The following LRCOL1 variants were observed in gnomAD, a reference collection of about 807,000 sequenced individuals.
LRCOL1 encodes the protein leucine rich colipase like 1.
In LRCOL1, 21 loss-of-function variants were observed where a neutral mutation model predicts 21.6. The ratio of observed to expected loss-of-function variants is 0.97; its 90% CI spans 0.69 to 1.40. LRCOL1 has a LOEUF of 1.40. LRCOL1 is among the 40% of genes most tolerant of loss of function. The pLI is 0.00. For missense variants in LRCOL1, 198 were observed against 202.3 expected, an observed-to-expected ratio of 0.98 and a Z score of 0.13; for synonymous variants, 98 against 90.1, an observed-to-expected ratio of 1.09 and a Z score of -0.49.
In LRCOL1 at chr12:132,607,736, CCTCT is replaced by C. The variant is rs575512075; in HGVS notation, c.-13-1476_-13-1473del. ...CTCTGTCTCTGTCTCTCTGTCTCTCCCTCTCTCCGTCTCTGTCTCTCTCTGTCTC... is the reference window on the plus strand; with the variant it reads ...CTCTGTCTCTGTCTCTCTGTCTCTCCCTCCGTCTCTGTCTCTCTCTGTCTC... On this transcript the variant is annotated intron_variant, in intron 1 of 5. Transcript: ENST00000376608. Among the ~76,000 whole-genome samples, 523 of 140,110 alleles carry C rather than the reference CCTCT, an allele frequency of 3.7e-3. 4 individuals are homozygous for C. The highest frequency in any genetic ancestry group is 5.9e-3 in the Non-Finnish European group (370 of 62,862). 91.9% of individuals were successfully genotyped at this position (140,110 alleles called of 152,430 possible). A position where few individuals can be genotyped will look rare whatever the true frequency, so the allele number is the denominator to read the frequency against.
chr12:132,607,689 GCC>G (rs63217660), intron 1 of LRCOL1, among the ~76,000 whole-genome samples: 4 of 92,336 alleles, frequency 4.3e-5, no homozygotes, highest in African/African-American at 2.3e-4. Context: ...GTCTCTCTCT[GCC>G]TCTCTGTCTC....
chr12:132,607,253 G>C (rs1409208660), intron 1 of LRCOL1, among the ~76,000 whole-genome samples: 1 of 152,144 alleles, frequency 6.6e-6, no homozygotes, highest in Non-Finnish European at 1.5e-5. Context: ...TCATTAGGAG[G>C]GTCTCTCTTT....
At chr12:132,607,534 A>AT (rs2041323822) in intron 1 of LRCOL1, among the ~76,000 whole-genome samples, 1 of 152,204 alleles carries the variant, frequency 6.6e-6, no homozygotes, top group Non-Finnish European at 1.5e-5. Context: ...GTGAGACCAC[A>AT]TATCACTCAG....
intron 5 of LRCOL1, chr12:132,603,632 C>T (rs1387131282): frequency 3.6e-6 from 3 of 840,224 alleles, no homozygotes; most frequent in African/African-American, 5.4e-5. Flanking sequence ...TGGTGGTACC[C>T]GAGGGCGCCT....
chr12:132,609,662 A>T (rs1284126332), intron 1 of LRCOL1, among the ~76,000 whole-genome samples: 1 of 152,202 alleles, frequency 6.6e-6, no homozygotes, highest in Non-Finnish European at 1.5e-5. Context: ...ACACCACTAC[A>T]TTCCAGCCTG....
At chr12:132,603,801 A>G in intron 5 of LRCOL1, 9 of 985,306 alleles carry the variant, frequency 9.1e-6, no homozygotes, top group Non-Finnish European at 1.1e-5. Context: ...GGCTCAGCAG[A>G]GCGGGAGCCT....
intron 1 of LRCOL1, among the ~76,000 whole-genome samples, chr12:132,609,856 C>T (rs976378640): frequency 1.3e-4 from 20 of 152,176 alleles, no homozygotes; most frequent in Admixed American, 3.9e-4. Flanking sequence ...GTCTCTATTC[C>T]GGGACATTTG....
Position 132,604,805 on chromosome 12 carries a change from G to T in LRCOL1, c.132C>A (p.His44Gln), listed in dbSNP as rs778417573. Reference sequence around the variant, plus strand: ...TACAGCAGTTGCTCTGGCACTCCTCGTGTCTCCTGCATGGCTCCCCGATGC... The same window carrying T: ...TACAGCAGTTGCTCTGGCACTCCTCTTGTCTCCTGCATGGCTCCCCGATGC... ...HKGIGEPCRR[H>Q]EECQSNCCTI... The change falls in exon 3 of 6, where the codon CAC becomes CAA. Residue 44 changes from histidine (H) to glutamine (Q), a missense_variant. Coordinates refer to ENST00000376608, the MANE Select transcript of LRCOL1 (RefSeq NM_001195520.2). 25 of 1,536,050 alleles carry T rather than the reference G, an allele frequency of 1.6e-5. No individual in the cohort carries two copies. The highest frequency in any genetic ancestry group is 2.7e-5 in the African/African-American group (2 of 73,036).
In LRCOL1 at chr12:132,604,390, C is replaced by A; in HGVS notation, c.355-14G>T. ...GTCGCCGTTGGGCTGGGGAGGCAGC[C>A]AGGCAGCAGTCGTGGAGAGGGGCTG... On this transcript the variant is annotated splice_polypyrimidine_tract_variant and intron_variant, in intron 4 of 5. Coordinates refer to ENST00000376608, the MANE Select transcript of LRCOL1 (RefSeq NM_001195520.2). The A allele has an allele frequency of 6.5e-7, 1 of 1,534,982 alleles. No homozygotes were observed.
At chr12:132,603,547 C>T (rs531633313) in intron 5 of LRCOL1, 143 bp from the exon 6 acceptor site, 35 of 1,492,960 alleles carry the variant, frequency 2.3e-5, no homozygotes, top group Admixed American at 1.3e-4. Context: ...CCGACGCCCA[C>T]GCTCAGCTCG....
chr12:132,603,301 C>A lies in LRCOL1; in HGVS notation c.*101G>T, dbSNP rs1332418246. On this transcript the variant is annotated 3_prime_UTR_variant, in exon 6 of 6. Transcript: ENST00000376608. ...GAGCCCCAGAAACAGCAGCACAAAC[C>A]GTAAGGGAAGCTTCCGCTGGAACCA... is the stretch of plus-strand genomic sequence containing the variant. 2.0e-6 allele frequency: 3 copies of A among 1,500,056 alleles called. No individual in the cohort carries two copies. The highest frequency in any genetic ancestry group is 2.7e-6 in the Non-Finnish European group (3 of 1,115,940). 92.9% of individuals were successfully genotyped at this position (1,500,056 alleles called of 1,614,324 possible). A position where few individuals can be genotyped will look rare whatever the true frequency, so the allele number is the denominator to read the frequency against.
intron 2 of LRCOL1, 86 bp from the exon 3 acceptor site, chr12:132,604,917 G>A: frequency 6.7e-7 from 1 of 1,487,502 alleles, no homozygotes; most frequent in Non-Finnish European, 8.9e-7. Flanking sequence ...CCTCTCCTTG[G>A]CTCCCCTGTG....
chr12:132,603,568 G>A (rs2138297212), intron 5 of LRCOL1, 164 bp from the exon 6 acceptor site: 6 of 985,390 alleles, frequency 6.1e-6, no homozygotes, highest in Non-Finnish European at 7.2e-6. Context: ...CGAGAGGGAC[G>A]CCCACGAGCC....
In LRCOL1 at chr12:132,603,382, C is replaced by G. The variant is rs989954057; in HGVS notation, c.*20G>C. On this transcript the variant is annotated 3_prime_UTR_variant, in exon 6 of 6. Transcript: ENST00000376608. Reference sequence around the variant, plus strand: ...TCCCAGGGCCCAGGCCGGTCCCTCGCGCCCAGGTTCGAGCTCACATCACTG... The same window carrying G: ...TCCCAGGGCCCAGGCCGGTCCCTCGGGCCCAGGTTCGAGCTCACATCACTG... 1.3e-6 allele frequency: 2 copies of G among 1,536,088 alleles called. No individual in the cohort carries two copies. The highest frequency in any genetic ancestry group is 2.7e-5 in the African/African-American group (2 of 73,076).
Position 132,606,221 on chromosome 12 carries a change from G to C in LRCOL1, c.31C>G (p.Leu11Val), listed in dbSNP as rs1428090606. The change falls in exon 2 of 6, where the codon CTG (leucine) becomes GTG (valine). Residue 11 changes from leucine (L) to valine (V), a missense_variant. By Grantham distance (32) the Leu-to-Val change is conservative (BLOSUM62 1). Coordinates refer to ENST00000376608, the MANE Select transcript of LRCOL1 (RefSeq NM_001195520.2). This position sits in a 1 kb window ranked among gnomAD's most constrained non-coding sequence, Gnocchi z 4.6. MAGPGWTLLLLLLLLLLLGSM... is the reference protein window; with the variant it reads MAGPGWTLLLVLLLLLLLGSM... ...CCCAGCAGCAGCAGCAGCAGCAGCA[G>C]TAGCAGCAGCGTCCACCCCGGGCCG... is the stretch of plus-strand genomic sequence containing the variant. 4 of 1,536,640 alleles carry C rather than the reference G, an allele frequency of 2.6e-6. No individual in the cohort carries two copies. The East Asian group carries it at 7.3e-5, about 28-fold the overall frequency.
Position 132,606,275 on chromosome 12 carries a change from C to T in LRCOL1, c.-13-11G>A. 1 of 1,535,564 alleles carries T rather than the reference C, an allele frequency of 6.5e-7. No homozygotes were observed. On this transcript the variant is annotated splice_polypyrimidine_tract_variant and intron_variant, in intron 1 of 5. Coordinates refer to ENST00000376608, the MANE Select transcript of LRCOL1 (RefSeq NM_001195520.2). This position sits in a 1 kb window ranked among gnomAD's most constrained non-coding sequence, Gnocchi z 4.6. ...ATCGGGTGTGTGGACCTGCAGAGAC[C>T]CAGGATTGTGTGGGAGTGTGTCCAC...
At position 132,604,447 on chromosome 12, in the gene LRCOL1, G is replaced by T. The variant is rs2041274155; in HGVS notation, c.354+15C>A. The stretch of plus-strand genomic sequence containing the variant: ...GCTACCCCTGCTCCATCTGCCCCGG[G>T]TGCCCGCAGCTCACCTTGCGCCAGG... On this transcript the variant is annotated intron_variant, in intron 4 of 5. Coordinates refer to ENST00000376608, the MANE Select transcript of LRCOL1 (RefSeq NM_001195520.2). The T allele has an allele frequency of 6.5e-7, 1 of 1,528,752 alleles. No individual in the cohort carries two copies. The highest frequency in any genetic ancestry group is 8.7e-7 in the Non-Finnish European group (1 of 1,145,044). 94.7% of individuals were successfully genotyped at this position (1,528,752 alleles called of 1,614,324 possible). A position where few individuals can be genotyped will look rare whatever the true frequency, so the allele number is the denominator to read the frequency against.
rs1275319729 is a variant in LRCOL1, at chr12:132,604,694, C to A, written c.231+12G>T. 1 of 1,534,788 alleles carries A rather than the reference C, an allele frequency of 6.5e-7. No individual in the cohort carries two copies. The highest frequency in any genetic ancestry group is 8.7e-7 in the Non-Finnish European group (1 of 1,146,144). ...TCTCGCTCCTCCACCCCCGCCCCTG[C>A]ACGCACCTCACCTTCCTCCAGGGCA... On this transcript the variant is annotated intron_variant, in intron 3 of 5. Transcript: ENST00000376608.
chr12:132,603,573 C>G (rs376716881), intron 5 of LRCOL1, 169 bp from the exon 6 acceptor site: 1 of 985,040 alleles, frequency 1.0e-6, no homozygotes, highest in Non-Finnish European at 1.2e-6. Flanking sequence ...GGGACGCCCA[C>G]GAGCCGCGCC....
Sources: gnomAD v4.1 joint callset for allele counts (sites outside exome capture counted in the v4.1 genomes callset) on GRCh38, gnomAD v4.1.1 for gene constraint, Gnocchi (gnomAD v3.1) non-coding constraint, MANE v1.5 for transcripts, NCBI Gene and HGNC (gene_info 2026-07-23, HGNC 2026-07-21) for gene names.